The following ZNF106 variants were observed in gnomAD, a reference collection of about 807,000 sequenced individuals.
The protein encoded by ZNF106 is zinc finger protein 106, also known as SH3-domain binding protein 3.
Under a neutral mutation model 195.1 loss-of-function variants are expected in ZNF106, and 67 were observed. The ratio of observed to expected loss-of-function variants is 0.34; its 90% CI spans 0.28 to 0.42. The LOEUF (loss-of-function observed/expected upper bound fraction) is 0.42. Among genes scored for constraint, ZNF106 ranks in the 10% least tolerant of loss-of-function variants. The probability of loss-of-function intolerance (pLI) is 1.00; values close to 1 mark genes in which losing one functional copy is unlikely to be tolerated. For synonymous variants in ZNF106, 784 were observed against 818.6 expected (o/e 0.96, Z 0.72); for missense variants, 2,118 against 2,304.5 (o/e 0.92, Z 1.66).
chr15:42,442,056 G>C lies in ZNF106; in HGVS notation c.3763+17C>G. On this transcript the variant is annotated intron_variant, in intron 10 of 21. Transcript: ENST00000564754. ...TCACTACTGGGATGCCCTTAACCCA[G>C]AGAAAAGCTTACATACTATTAGCTT... The C allele has an allele frequency of 6.3e-7, 1 of 1,587,734 alleles. No homozygotes were observed. The highest frequency in any genetic ancestry group is 8.6e-7 in the Non-Finnish European group (1 of 1,165,396).
rs1415929189 is a variant in ZNF106, at chr15:42,416,812, C to T, written c.*492G>A. On this transcript the variant is annotated 3_prime_UTR_variant, in exon 22 of 22. Transcript: ENST00000564754. ...AATTGTTAAGAAAGAAAACTATTTG[C>T]TTCCAGTTTAAATACCCAGCTATTA... 1 of 152,540 alleles carries T rather than the reference C, an allele frequency of 6.6e-6. No individual in the cohort carries two copies. Among genetic ancestry groups the T allele is most frequent in the Non-Finnish European group, 1.5e-5 (1 of 68,306 alleles). 9.4% of individuals were successfully genotyped at this position (152,540 alleles called of 1,614,324 possible).
rs76875379 is a variant in ZNF106 at position 42,421,855 on chromosome 15, G to C, written c.5445+62C>G. 565 of 1,401,486 alleles carry C rather than the reference G, an allele frequency of 4.0e-4. 4 individuals are homozygous for C. The African/African-American group carries it at 7.5e-3, about 19-fold the overall frequency. 86.8% of individuals were successfully genotyped at this position (1,401,486 alleles called of 1,614,324 possible). A position where few individuals can be genotyped will look rare whatever the true frequency, so the allele number is the denominator to read the frequency against. Reference sequence around the variant, plus strand: ...AGAAGCAGATGTCACTTTTGGAAGTGACAAGAATTTTTTAGCAAACACATT... The same window carrying C: ...AGAAGCAGATGTCACTTTTGGAAGTCACAAGAATTTTTTAGCAAACACATT... On this transcript the variant is annotated intron_variant, in intron 19 of 21. Coordinates refer to ENST00000564754, the MANE Select transcript of ZNF106 (RefSeq NM_001366845.3).
chr15:42,451,260 T>C lies in ZNF106; in HGVS notation c.1012A>G (p.Asn338Asp). ...GTTTGGCTTTCCAGCTGCTCAAAAT[T>C]GAAGTCGAGTAAGCCTTCTGAAGGA... ...KFPSEGLLDF[N>D]FEQLESQTTK... The change falls in exon 5 of 22, where the codon AAT becomes GAT. Residue 338 changes from asparagine to aspartate, a missense_variant. Asn to Asp is a conservative substitution (Grantham distance 23, BLOSUM62 1). Coordinates refer to ENST00000564754, the MANE Select transcript of ZNF106 (RefSeq NM_001366845.3). The C allele has an allele frequency of 6.2e-7, 1 of 1,614,178 alleles. No individual in the cohort carries two copies. The highest frequency in any genetic ancestry group is 2.2e-5 in the East Asian group (1 of 44,880).
chr15:42,477,720 T>C (rs1007566743), intron 1 of ZNF106, among the ~76,000 whole-genome samples: 4 of 151,790 alleles, frequency 2.6e-5, no homozygotes, highest in Admixed American at 2.6e-4. Context: ...TGAAACCCCA[T>C]CTCTACTAAA....
intron 1 of ZNF106, among the ~76,000 whole-genome samples, chr15:42,476,331 G>C (rs1251939816): frequency 6.6e-6 from 1 of 152,122 alleles, no homozygotes. Flanking sequence ...TTCTAGATGG[G>C]AACCACTGCT....
chr15:42,421,054 T>C lies in ZNF106; in HGVS notation c.5517+7A>G, dbSNP rs1448330171. On this transcript the variant is annotated splice_region_variant and intron_variant, in intron 20 of 21. Transcript: ENST00000564754. ...AGTCCAGTGACAGGAAGAGTTTCAC[T>C]CCTTACCCAACAGCGGTAATTCTGC... 6.2e-7 allele frequency: 1 copy of C among 1,613,956 alleles called. No homozygotes were observed. The highest frequency in any genetic ancestry group is 2.2e-5 in the East Asian group (1 of 44,884).
intron 14 of ZNF106, among the ~76,000 whole-genome samples, chr15:42,428,857 C>T (rs1015480248): frequency 6.6e-6 from 1 of 151,564 alleles, no homozygotes; most frequent in East Asian, 1.9e-4. Context: ...TCCACCTCCC[C>T]GGTTCACACC....
chr15:42,456,039 T>G (rs2056215195), intron 4 of ZNF106, among the ~76,000 whole-genome samples: 1 of 152,186 alleles, frequency 6.6e-6, no homozygotes, highest in Non-Finnish European at 1.5e-5. Flanking sequence ...ATTAGAAAAT[T>G]TATATTGCTT....
chr15:42,446,561 C>A (rs1170994372), intron 7 of ZNF106, 28 bp downstream of exon 7: 4 of 1,564,378 alleles, frequency 2.6e-6, no homozygotes, highest in Admixed American at 1.9e-5. Flanking sequence ...ACACCAACTT[C>A]TTTCTTCCAA....
At chr15:42,474,019 A>C (rs962670396) in intron 1 of ZNF106, among the ~76,000 whole-genome samples, 8 of 152,176 alleles carry the variant, frequency 5.3e-5, no homozygotes, top group Non-Finnish European at 8.8e-5. Context: ...CTGAGTACCC[A>C]AACAACAAGC....
intron 9 of ZNF106, among the ~76,000 whole-genome samples, chr15:42,443,514 TTTTTATAACC>T (rs765720329): frequency 1.7e-4 from 26 of 151,954 alleles, no homozygotes; most frequent in Non-Finnish European, 2.8e-4. Context: ...TTTATATAAC[TTTTTATAACC>T]TTTAAATTTT....
At chr15:42,424,769 C>T in intron 16 of ZNF106, 65 bp downstream of exon 16, 2 of 1,519,070 alleles carry the variant, frequency 1.3e-6, no homozygotes, top group Non-Finnish European at 1.8e-6. Flanking sequence ...CGTGAGCCAC[C>T]TCGCCTGGCC....
At chr15:42,469,774 G>T (rs1567028572) in intron 2 of ZNF106, among the ~76,000 whole-genome samples, 1 of 151,410 alleles carries the variant, frequency 6.6e-6, no homozygotes, top group Non-Finnish European at 1.5e-5. Flanking sequence ...GGACACAGAG[G>T]TTGCAGTGAG....
At chr15:42,441,251 G>A (rs2055526715) in intron 10 of ZNF106, among the ~76,000 whole-genome samples, 1 of 150,926 alleles carries the variant, frequency 6.6e-6, no homozygotes. Context: ...GATGAGGTGG[G>A]AGGATCAACT....
At chr15:42,479,488 GA>G (rs1055898837) in intron 1 of ZNF106, among the ~76,000 whole-genome samples, 3 of 152,034 alleles carry the variant, frequency 2.0e-5, no homozygotes, top group Non-Finnish European at 2.9e-5. Flanking sequence ...TACACTTGGG[GA>G]AAAAAAGTAT....
Position 42,491,019 on chromosome 15 carries a change from A to G in ZNF106, c.-72T>C, listed in dbSNP as rs1416072331. 6.6e-6 allele frequency: 1 copy of G among 151,990 alleles called. No individual in the cohort carries two copies. Among genetic ancestry groups the G allele is most frequent in the African/African-American group, 2.4e-5 (1 of 41,330 alleles). 9.4% of individuals were successfully genotyped at this position (151,990 alleles called of 1,614,324 possible). ...CCTCTTACTCCATCAGGCCGCCGAG[A>G]GCCAGGCGAGGGAGCTCCCTGACGC... On this transcript the variant is annotated 5_prime_UTR_variant, in exon 1 of 22. Transcript: ENST00000564754.
chr15:42,464,621 AG>A (rs1330244015), intron 3 of ZNF106, among the ~76,000 whole-genome samples: 3 of 142,984 alleles, frequency 2.1e-5, no homozygotes, highest in African/African-American at 7.9e-5. Context: ...TCCACCTCCC[AG>A]GCTCAAGCAT....
intron 14 of ZNF106, among the ~76,000 whole-genome samples, chr15:42,431,690 T>C (rs2055052283): frequency 6.6e-6 from 1 of 152,230 alleles, no homozygotes; most frequent in African/African-American, 2.4e-5. Flanking sequence ...TTCAGGCTGG[T>C]CTCAAACTCC....
chr15:42,480,310 T>G (rs1296349364), intron 1 of ZNF106, among the ~76,000 whole-genome samples: 1 of 152,228 alleles, frequency 6.6e-6, no homozygotes, highest in East Asian at 1.9e-4. Flanking sequence ...TATGATCCCT[T>G]TAACTCTGGT....
Sources: gnomAD v4.1 joint callset for allele counts (sites outside exome capture counted in the v4.1 genomes callset) on GRCh38, gnomAD v4.1.1 for gene constraint, MANE v1.5 for transcripts, NCBI Gene and HGNC (gene_info 2026-07-23, HGNC 2026-07-21) for gene names.